EDARADD: variants seen among roughly 807,000 people sequenced by gnomAD.
EDARADD encodes ectodysplasin-A receptor-associated adapter protein.
EDARADD carries 20 observed loss-of-function variants against 25.6 expected under a neutral mutation model. The ratio of observed to expected loss-of-function variants is 0.78; its 90% CI spans 0.55 to 1.14. EDARADD has a LOEUF of 1.14. Among genes scored for constraint, EDARADD ranks in the 50% most tolerant of loss-of-function variants. The probability of loss-of-function intolerance (pLI) is 0.00; values close to 1 mark genes in which losing one functional copy is unlikely to be tolerated. For missense variants in EDARADD, 225 were observed against 270.1 expected (o/e 0.83, Z 1.17); for synonymous variants, 86 against 94.4 (o/e 0.91, Z 0.52).
chr1:236,467,611 G>A (rs571225289), intron 4 of EDARADD, among the ~76,000 whole-genome samples: 3 of 152,024 alleles, frequency 2.0e-5, no homozygotes, highest in Non-Finnish European at 2.9e-5. Flanking sequence ...GCTGCTTTGC[G>A]ATATATACTG....
At chr1:236,447,215 T>TCTTTCTTTCTTTC (rs1558127454) in intron 4 of EDARADD, among the ~76,000 whole-genome samples, 10 of 52,838 alleles carry the variant, frequency 1.9e-4, no homozygotes, top group East Asian at 6.3e-4. Flanking sequence ...TTTCTTTCTT[T>TCTTTCTTTCTTTC]CTTTCTTTCC....
chr1:236,475,546 C>T (rs1246761507), intron 5 of EDARADD, among the ~76,000 whole-genome samples: 1 of 151,996 alleles, frequency 6.6e-6, no homozygotes, highest in East Asian at 1.9e-4. Flanking sequence ...GGGCAGATCA[C>T]GGGGTCAGGA....
At chr1:236,390,104 G>A (rs1667402993), upstream of EDARADD, among the ~76,000 whole-genome samples, 2 of 152,216 alleles carry the variant, frequency 1.3e-5, no homozygotes, top group Admixed American at 1.3e-4. Context: ...ATGTGTAGGA[G>A]CTAAGCTATG....
intron 4 of EDARADD, among the ~76,000 whole-genome samples, chr1:236,461,703 A>T (rs1164626556): frequency 3.9e-5 from 6 of 152,208 alleles, no homozygotes; most frequent in Admixed American, 3.9e-4. Context: ...CCAGATGAAC[A>T]GTGACAACTT....
Position 236,452,849 on chromosome 1 carries a change from C to T in EDARADD, c.220-15382C>T, listed in dbSNP as rs571172604. ...AAACTCCTATGACACTAAAGACATC[C>T]CATCTCACATCCTCCTATAGGATGT... On this transcript the variant is annotated intron_variant, in intron 4 of 5. Transcript: ENST00000334232. 1.9e-4 allele frequency among the ~76,000 whole-genome samples: 29 copies of T among 152,224 alleles called. No individual in the cohort carries two copies. In the South Asian group the frequency reaches 4.4e-3, roughly 23 times the overall value.
chr1:236,397,394 G>A (rs995636856), intron 1 of EDARADD, among the ~76,000 whole-genome samples: 1 of 149,516 alleles, frequency 6.7e-6, no homozygotes, highest in African/African-American at 2.5e-5. Context: ...GCAAAAACCT[G>A]TATCTCAAAA....
chr1:236,455,233 G>A (rs1222710822), intron 4 of EDARADD, among the ~76,000 whole-genome samples: 5 of 151,772 alleles, frequency 3.3e-5, no homozygotes, highest in Admixed American at 3.3e-4. Flanking sequence ...ATAGTGGATG[G>A]AGAGGCAGTG....
intron 4 of EDARADD, among the ~76,000 whole-genome samples, chr1:236,433,726 C>T (rs1658167927): frequency 6.6e-6 from 1 of 151,602 alleles, no homozygotes; most frequent in African/African-American, 2.4e-5. Flanking sequence ...AAAAATTAGC[C>T]AGGCGTGGTG....
intron 3 of EDARADD, among the ~76,000 whole-genome samples, chr1:236,368,695 C>T (rs1214444487): frequency 6.6e-6 from 1 of 152,144 alleles, no homozygotes. Flanking sequence ...CCACCTCGGC[C>T]TCCCAGAGTG....
At chr1:236,384,867 G>A (rs1226004030) in intron 3 of EDARADD, among the ~76,000 whole-genome samples, 2 of 151,654 alleles carry the variant, frequency 1.3e-5, no homozygotes, top group African/African-American at 4.8e-5. Flanking sequence ...TTTAGTCTTT[G>A]TTTACACTTA....
intron 3 of EDARADD, among the ~76,000 whole-genome samples, chr1:236,375,143 C>T (rs1207996623): frequency 6.6e-6 from 1 of 151,860 alleles, no homozygotes; most frequent in African/African-American, 2.4e-5. Context: ...AATACAAATC[C>T]ACTTTCAAGC....
intron 5 of EDARADD, among the ~76,000 whole-genome samples, chr1:236,481,163 T>C (rs1659659656): frequency 6.6e-6 from 1 of 152,182 alleles, no homozygotes; most frequent in African/African-American, 2.4e-5. Context: ...GTTGTTGTTT[T>C]TAAAAAAAGA....
At chr1:236,467,027 C>G (rs913002045) in intron 4 of EDARADD, among the ~76,000 whole-genome samples, 7 of 151,922 alleles carry the variant, frequency 4.6e-5, no homozygotes, top group Non-Finnish European at 1.0e-4. Context: ...GATTGTGCCA[C>G]TGCACTCCAG....
chr1:236,447,982 C>T (rs374885838), intron 4 of EDARADD, among the ~76,000 whole-genome samples: 1 of 152,076 alleles, frequency 6.6e-6, no homozygotes, highest in Non-Finnish European at 1.5e-5. Context: ...ATTACACCTG[C>T]GTGCCACCAT....
chr1:236,444,160 A>G (rs919175258), intron 4 of EDARADD, among the ~76,000 whole-genome samples: 4 of 152,212 alleles, frequency 2.6e-5, no homozygotes, highest in African/African-American at 9.6e-5. Context: ...AGACTACAGT[A>G]TAGTGTAAAT....
At chr1:236,450,712 C>T (rs572279252) in intron 4 of EDARADD, among the ~76,000 whole-genome samples, 1 of 152,168 alleles carries the variant, frequency 6.6e-6, no homozygotes, top group South Asian at 2.1e-4. Context: ...CCACACCTAG[C>T]TAATTTATGT....
At position 236,428,619 on chromosome 1, in the gene EDARADD, C is replaced by T. The variant is rs1453218546; in HGVS notation, c.219+1169C>T. Among the ~76,000 whole-genome samples, 2 of 150,210 alleles carry T rather than the reference C, an allele frequency of 1.3e-5. 1 individual carries two copies. Among genetic ancestry groups the T allele is most frequent in the Non-Finnish European group, 3.0e-5 (2 of 67,622 alleles). Reference sequence around the variant, plus strand: ...GCGCTCCCCACATCCCAGACATGGGCGGCCGGGCGGAGACGCTCCTCACTT... The same window carrying T: ...GCGCTCCCCACATCCCAGACATGGGTGGCCGGGCGGAGACGCTCCTCACTT... On this transcript the variant is annotated intron_variant, in intron 4 of 5. Transcript: ENST00000334232.
intron 5 of EDARADD, among the ~76,000 whole-genome samples, chr1:236,476,955 G>T (rs1175647120): frequency 6.6e-6 from 1 of 151,048 alleles, no homozygotes; most frequent in African/African-American, 2.4e-5. Context: ...TTGCAGCACT[G>T]CACTCCAGCC....
intron 4 of EDARADD, among the ~76,000 whole-genome samples, chr1:236,443,333 C>A (rs985675671): frequency 5.9e-5 from 9 of 152,098 alleles, no homozygotes; most frequent in Non-Finnish European, 1.0e-4. Flanking sequence ...TTTGGTAAGA[C>A]TAAAAATAGT....
Sources: allele counts gnomAD v4.1 joint callset (sites outside exome capture counted in the v4.1 genomes callset), GRCh38; gene constraint gnomAD v4.1.1; transcripts MANE v1.5; gene names NCBI Gene and HGNC (gene_info 2026-07-23, HGNC 2026-07-21).